KIF15: variants seen among roughly 807,000 people sequenced by gnomAD.
The protein encoded by KIF15 is kinesin-like protein KIF15.
KIF15 carries 140 observed loss-of-function variants against 190.6 expected under a neutral mutation model. The ratio of observed to expected loss-of-function variants is 0.73; its 90% confidence interval spans 0.64 to 0.84. The LOEUF is 0.84. Ranked by LOEUF, KIF15 falls within the 40% of genes least tolerant of loss-of-function variation. The pLI is 0.00. For synonymous variants in KIF15, 528 were observed against 551.3 expected (o/e 0.96, Z 0.59); for missense variants, 1,372 against 1,584.4 (o/e 0.87, Z 2.28).
intron 6 of KIF15, among the ~76,000 whole-genome samples, chr3:44,859,382 G>C (rs959642925): frequency 6.6e-6 from 1 of 152,160 alleles, no homozygotes; most frequent in Non-Finnish European, 1.5e-5. Flanking sequence ...TGGAGCTGGC[G>C]GCTTGGGTGC....
chr3:44,863,935 T>C lies in KIF15; in HGVS notation c.*60-9394T>C. 5 of 486,896 alleles carry C rather than the reference T, an allele frequency of 1.0e-5. No individual in the cohort carries two copies. The South Asian group carries it at 1.5e-4, about 15-fold the overall frequency. The allele number at this position is 486,896 out of a possible 1,614,324, so 30.2% of individuals were successfully genotyped here. The stretch of plus-strand genomic sequence containing the variant: ...AGAAAATACTGGCTTTGGATTAGCA[T>C]TTTGCTTCTTCCCAAGATCATATGG... On this transcript the variant is annotated intron_variant and NMD_transcript_variant, in intron 6 of 6. Transcript: ENST00000422209.
intron 30 of KIF15, among the ~76,000 whole-genome samples, chr3:44,845,805 T>A (rs1698822731): frequency 6.6e-6 from 1 of 152,178 alleles, no homozygotes; most frequent in African/African-American, 2.4e-5. Flanking sequence ...CTGCAGTATT[T>A]CAGACAAGCT....
At chr3:44,790,842 G>A (rs1234672061) in intron 7 of KIF15, among the ~76,000 whole-genome samples, 6 of 151,822 alleles carry the variant, frequency 4.0e-5, no homozygotes, top group Admixed American at 3.3e-4. Flanking sequence ...ACAGGCATGC[G>A]CCACCACGCC....
chr3:44,835,491 G>T (rs1197630897), intron 26 of KIF15, among the ~76,000 whole-genome samples: 1 of 151,912 alleles, frequency 6.6e-6, no homozygotes, highest in Non-Finnish European at 1.5e-5. Flanking sequence ...ATCCTCCCCT[G>T]CCTCAGCCTC....
chr3:44,809,681 CAA>C (rs1014831612), intron 16 of KIF15, among the ~76,000 whole-genome samples: 4 of 134,346 alleles, frequency 3.0e-5, no homozygotes, highest in Non-Finnish European at 3.2e-5. Flanking sequence ...CCTACCTCTG[CAA>C]AAAAAAAAAA....
intron 8 of KIF15, among the ~76,000 whole-genome samples, chr3:44,796,622 T>C (rs750585965): frequency 1.3e-5 from 2 of 152,222 alleles, no homozygotes; most frequent in Non-Finnish European, 2.9e-5. Flanking sequence ...CAGTACATCT[T>C]GCATTATAAT....
intron 6 of KIF15, among the ~76,000 whole-genome samples, chr3:44,785,989 G>C (rs1706384379): frequency 6.6e-6 from 1 of 152,156 alleles, no homozygotes. Flanking sequence ...GGGAGGCCGA[G>C]GCAAATCACG....
chr3:44,794,857 G>C (rs1251851340), intron 8 of KIF15, among the ~76,000 whole-genome samples: 2 of 152,100 alleles, frequency 1.3e-5, no homozygotes. Context: ...AGCTACTTGG[G>C]AGACTGAGGC....
At position 44,843,155 on chromosome 3, in the gene KIF15, C is replaced by G. The variant is rs3804583; in HGVS notation, c.3616C>G (p.Leu1206Val). 1.2e-6 allele frequency: 2 copies of G among 1,612,646 alleles called. No homozygotes were observed. Residue 1206 changes from leucine (L) to valine (V), a missense_variant, in exon 30 of 35, where the codon CTG becomes GTG. By Grantham distance (32) the Leu-to-Val change is conservative. Coordinates refer to ENST00000326047, the MANE Select transcript of KIF15 (RefSeq NM_020242.3). Reference sequence around the variant, plus strand: ...GTTGCGTGAAATGGAAAACCTACGCCTGGAAAGTCAGCAGTTAATAGAGAA... The same window carrying G: ...GTTGCGTGAAATGGAAAACCTACGCGTGGAAAGTCAGCAGTTAATAGAGAA... ...EQLREMENLR[L>V]ESQQLIEKNW...
At chr3:44,786,244 AT>A (rs1293594470) in intron 6 of KIF15, 150 bp from the exon 7 acceptor site, 25 of 519,958 alleles carry the variant, frequency 4.8e-5, no homozygotes, top group East Asian at 2.0e-4. Flanking sequence ...ATTTATCTAG[AT>A]TTTTTTTACT....
chr3:44,863,083 A>G (rs1018108450), intron 6 of KIF15: 5 of 151,338 alleles, frequency 3.3e-5, no homozygotes, highest in Non-Finnish European at 7.4e-5. Flanking sequence ...TAAAACATGA[A>G]TTTTTTTGCG....
chr3:44,868,653 A>T (rs1443215385), intron 6 of KIF15, among the ~76,000 whole-genome samples: 1 of 152,192 alleles, frequency 6.6e-6, no homozygotes, highest in Non-Finnish European at 1.5e-5. Flanking sequence ...CAGCCTGCAG[A>T]ACTGTGAGAA....
At chr3:44,854,743 G>A (rs184514612), downstream of KIF15, among the ~76,000 whole-genome samples, 750 of 152,306 alleles carry the variant, frequency 4.9e-3, 13 homozygotes, top group African/African-American at 0.017. Context: ...TAGGGCCACA[G>A]TCTCTCAGAG....
intron 20 of KIF15, among the ~76,000 whole-genome samples, chr3:44,824,143 G>T (rs1217408672): frequency 1.3e-5 from 2 of 152,144 alleles, no homozygotes; most frequent in Non-Finnish European, 2.9e-5. Context: ...TGGCCATCTT[G>T]CCTAATTCAC....
Position 44,843,180 on chromosome 3 carries a change from A to G in KIF15, c.3641A>G (p.Lys1214Arg). Reference protein sequence around the residue: ...LRLESQQLIEKNWLLQGQLDD... With the variant: ...LRLESQQLIERNWLLQGQLDD... Reference sequence around the variant, plus strand: ...CTGGAAAGTCAGCAGTTAATAGAGAAAAACTGGCTCCTGCAAGGTCAGCTG... The same window carrying G: ...CTGGAAAGTCAGCAGTTAATAGAGAGAAACTGGCTCCTGCAAGGTCAGCTG... The change falls in exon 30 of 35, where the codon AAA becomes AGA. Residue 1214 changes from lysine (K) to arginine (R), a missense_variant. Physicochemically the swap from Lys to Arg is conservative, Grantham distance 26 (BLOSUM62 2). Transcript: ENST00000326047. 2 of 1,613,738 alleles carry G rather than the reference A, an allele frequency of 1.2e-6. No homozygotes were observed. The highest frequency in any genetic ancestry group is 1.1e-5 in the South Asian group (1 of 91,012).
chr3:44,832,061 T>A (rs932566640), intron 26 of KIF15, among the ~76,000 whole-genome samples: 4 of 152,162 alleles, frequency 2.6e-5, no homozygotes, highest in African/African-American at 9.7e-5. Context: ...AAGAGATATG[T>A]GTAATATGAT....
chr3:44,848,570 A>G lies in KIF15; in HGVS notation c.3806+12A>G. 8.6e-7 allele frequency: 1 copy of G among 1,169,186 alleles called. No individual in the cohort carries two copies. The highest frequency in any genetic ancestry group is 1.2e-6 in the Non-Finnish European group (1 of 813,360). 72.4% of individuals were successfully genotyped at this position (1,169,186 alleles called of 1,614,324 possible). A position where few individuals can be genotyped will look rare whatever the true frequency, so the allele number is the denominator to read the frequency against. On this transcript the variant is annotated intron_variant, in intron 32 of 34. Coordinates refer to ENST00000326047, the MANE Select transcript of KIF15 (RefSeq NM_020242.3). ...AAAATGAAAGCAGAGTAAGTGTACT[A>G]TTTTGTAATTTAAAATCTTGATCAT...
At chr3:44,781,979 GACTT>G (rs1706186465) in intron 5 of KIF15, among the ~76,000 whole-genome samples, 1 of 151,720 alleles carries the variant, frequency 6.6e-6, no homozygotes. Context: ...TTTGTCTTTT[GACTT>G]ACTTAAGGTT....
chr3:44,831,493 T>C (rs140663356), intron 26 of KIF15, among the ~76,000 whole-genome samples: 166 of 152,328 alleles, frequency 1.1e-3, no homozygotes, highest in African/African-American at 3.6e-3. Context: ...AAACTGCATT[T>C]AATTGGATGC....
Sources: allele counts gnomAD v4.1 joint callset (sites outside exome capture counted in the v4.1 genomes callset), GRCh38; gene constraint gnomAD v4.1.1; transcripts MANE v1.5; gene names NCBI Gene and HGNC (gene_info 2026-07-23, HGNC 2026-07-21).